Variants in B4GALT5 observed in about 807,000 individuals in gnomAD.
B4GALT5 encodes the protein UDP-Gal:beta-GlcNAc beta-1,4-galactosyltransferase 5.
A neutral mutation model predicts 45.0 loss-of-function variants in B4GALT5; 11 were observed. The observed-to-expected ratio is 0.24, with a 90% confidence interval of 0.15 to 0.40. The LOEUF (loss-of-function observed/expected upper bound fraction) is 0.40, where lower values mean the gene tolerates loss of function less well. B4GALT5 is among the 10% of genes least tolerant of loss of function. B4GALT5 has a pLI of 1.00. For missense variants in B4GALT5, 337 were observed against 500.2 expected (o/e 0.67, Z 3.11); for synonymous variants, 185 against 182.9 (o/e 1.01, Z -0.09).
At chr20:49,705,001 A>G (rs1387137310) in intron 1 of B4GALT5, among the ~76,000 whole-genome samples, 2 of 149,380 alleles carry the variant, frequency 1.3e-5, no homozygotes, top group East Asian at 2.0e-4. Flanking sequence ...ACAAAAGGAG[A>G]AAAAAAAAAG....
intron 1 of B4GALT5, among the ~76,000 whole-genome samples, chr20:49,672,532 T>A (rs932195840): frequency 2.6e-5 from 4 of 151,612 alleles, no homozygotes; most frequent in African/African-American, 9.7e-5. Context: ...AATGCTGGAT[T>A]ATTTTTCTGT....
At position 49,639,800 on chromosome 20, in the gene B4GALT5, C is replaced by A; in HGVS notation, c.795G>T (p.Leu265=). Residue 265 remains leucine, a splice_region_variant and synonymous_variant, in exon 7 of 9, where the codon CTG becomes CTT. Transcript: ENST00000371711. ...FATKLDKYMY[L]LPYTEFFGGV... ...CGCCAAAGAACTCGGTATAAGGAAG[C>A]CTAGGAGGAGATGTGGGACATCAAT... 6.2e-7 allele frequency: 1 copy of A among 1,612,484 alleles called. No homozygotes were observed.
intron 2 of B4GALT5, among the ~76,000 whole-genome samples, chr20:49,648,414 T>C (rs1430154999): frequency 6.6e-6 from 1 of 152,206 alleles, no homozygotes; most frequent in African/African-American, 2.4e-5. Context: ...TCTGGGTATC[T>C]GACTGCTTTT....
intron 2 of B4GALT5, among the ~76,000 whole-genome samples, chr20:49,648,792 A>T (rs2085609542): frequency 6.6e-6 from 1 of 152,242 alleles, no homozygotes; most frequent in African/African-American, 2.4e-5. Flanking sequence ...CATTTTCTAC[A>T]GATGAATAAC....
intron 1 of B4GALT5, among the ~76,000 whole-genome samples, chr20:49,696,351 T>C (rs745736064): frequency 2.1e-4 from 32 of 152,246 alleles, no homozygotes; most frequent in Non-Finnish European, 4.1e-4. Context: ...TTGAAATTCA[T>C]CTATTTAAAT....
chr20:49,649,124 G>C (rs763458544), intron 2 of B4GALT5, among the ~76,000 whole-genome samples: 3 of 152,108 alleles, frequency 2.0e-5, no homozygotes, highest in Non-Finnish European at 2.9e-5. Flanking sequence ...TGCCTACTCT[G>C]CAAGTACTCT....
rs776138974 is a variant in B4GALT5 at position 49,702,066 on chromosome 20, AAAC to A, written c.115+11507_115+11509del. On this transcript the variant is annotated intron_variant, in intron 1 of 8. Coordinates refer to ENST00000371711, the MANE Select transcript of B4GALT5 (RefSeq NM_004776.4). ...GGTGACAGTAAGATTCCACCTCAAA[AAAC>A]AACAACAAAAAAAGGAAATACCAAA... 9.1e-4 allele frequency among the ~76,000 whole-genome samples: 138 copies of A among 152,314 alleles called. 2 individuals are homozygous for A. Among genetic ancestry groups the A allele is most frequent in the African/African-American group, 2.7e-3 (113 of 41,562 alleles).
chr20:49,645,168 T>C lies in B4GALT5; in HGVS notation c.365-1518A>G, dbSNP rs530737701. 8.5e-4 allele frequency among the ~76,000 whole-genome samples: 130 copies of C among 152,124 alleles called. 1 individual carries two copies. Among genetic ancestry groups the C allele is most frequent in the Admixed American group, 1.7e-3 (26 of 15,280 alleles). Reference sequence around the variant, plus strand: ...GAGGCAGGACGATTGCTCCCTGAAGTTGGAGACCAGCCTGGGCAACATAGT... The same window carrying C: ...GAGGCAGGACGATTGCTCCCTGAAGCTGGAGACCAGCCTGGGCAACATAGT... On this transcript the variant is annotated intron_variant, in intron 3 of 8. Transcript: ENST00000371711.
At chr20:49,677,769 G>T (rs1433074137) in intron 1 of B4GALT5, among the ~76,000 whole-genome samples, 1 of 152,196 alleles carries the variant, frequency 6.6e-6, no homozygotes, top group East Asian at 1.9e-4. Flanking sequence ...TTTTTGGGAT[G>T]GAGTCTCACT....
intron 2 of B4GALT5, among the ~76,000 whole-genome samples, chr20:49,651,036 C>A (rs1484307982): frequency 6.6e-6 from 1 of 152,220 alleles, no homozygotes; most frequent in East Asian, 1.9e-4. Context: ...GTGATCTCTG[C>A]ATTTTGGGAG....
intron 2 of B4GALT5, among the ~76,000 whole-genome samples, chr20:49,653,199 C>G (rs954428888): frequency 6.6e-6 from 1 of 152,172 alleles, no homozygotes; most frequent in African/African-American, 2.4e-5. Flanking sequence ...AATCCGAAAT[C>G]TGCAATGCTC....
chr20:49,667,618 T>TAG (rs940050215), intron 1 of B4GALT5, among the ~76,000 whole-genome samples: 17 of 151,810 alleles, frequency 1.1e-4, no homozygotes, highest in African/African-American at 3.9e-4. Flanking sequence ...CGATCATGGC[T>TAG]CACTGCAGTC....
At chr20:49,637,530 C>A in intron 7 of B4GALT5, 88 bp from the exon 8 acceptor site, 1 of 940,568 alleles carries the variant, frequency 1.1e-6, no homozygotes, top group South Asian at 1.4e-5. Context: ...ACAAGCTTAC[C>A]CTGGAAATCA....
At chr20:49,701,436 C>T (rs1037582424) in intron 1 of B4GALT5, among the ~76,000 whole-genome samples, 2 of 151,462 alleles carry the variant, frequency 1.3e-5, no homozygotes, top group African/African-American at 2.4e-5. Flanking sequence ...TTTCCTCATT[C>T]GTCAGCATTT....
intron 1 of B4GALT5, among the ~76,000 whole-genome samples, chr20:49,673,217 T>G (rs2085723360): frequency 6.6e-6 from 1 of 151,918 alleles, no homozygotes; most frequent in African/African-American, 2.4e-5. Context: ...CCATCTCTAC[T>G]AAAAATACAA....
At chr20:49,650,351 A>C (rs1358933712) in intron 2 of B4GALT5, among the ~76,000 whole-genome samples, 1 of 152,020 alleles carries the variant, frequency 6.6e-6, no homozygotes, top group Non-Finnish European at 1.5e-5. Flanking sequence ...TTTTAAATAA[A>C]ACTTTAATTA....
intron 1 of B4GALT5, among the ~76,000 whole-genome samples, chr20:49,681,579 C>T (rs1043465453): frequency 1.8e-4 from 27 of 152,174 alleles, no homozygotes; most frequent in Admixed American, 6.5e-5. Context: ...AGACCAACAG[C>T]CTCCCTGCCA....
intron 1 of B4GALT5, among the ~76,000 whole-genome samples, chr20:49,707,969 C>CCTCTAAT (rs2085891809): frequency 6.7e-6 from 1 of 150,024 alleles, no homozygotes; most frequent in Non-Finnish European, 1.5e-5. Flanking sequence ...GTGGCTCACA[C>CCTCTAAT]CTCTAATCCC....
chr20:49,664,758 G>C (rs2085681859), intron 1 of B4GALT5, among the ~76,000 whole-genome samples: 1 of 152,186 alleles, frequency 6.6e-6, no homozygotes. Context: ...GTATATTGAA[G>C]TATTTAGAGG....
Sources: gnomAD v4.1 joint callset for allele counts (sites outside exome capture counted in the v4.1 genomes callset) on GRCh38, gnomAD v4.1.1 for gene constraint, MANE v1.5 for transcripts, NCBI Gene and HGNC (gene_info 2026-07-23, HGNC 2026-07-21) for gene names.